The following ACAP1 variants were observed in gnomAD, a reference collection of about 807,000 sequenced individuals.
The protein encoded by ACAP1 is ArfGAP with coiled-coil, ankyrin repeat and PH domains 1.
A neutral mutation model predicts 98.8 loss-of-function variants in ACAP1; 45 were observed. The ratio of observed to expected loss-of-function variants is 0.46; its 90% CI spans 0.36 to 0.58. The LOEUF (loss-of-function observed/expected upper bound fraction) is 0.58. Ranked by LOEUF, ACAP1 falls within the 20% of genes least tolerant of loss-of-function variation. The probability of loss-of-function intolerance (pLI) is 0.00; values close to 1 mark genes in which losing one functional copy is unlikely to be tolerated. For synonymous variants in ACAP1, 362 were observed against 375.3 expected (o/e 0.96, Z 0.41); for missense variants, 735 against 971.4 (o/e 0.76, Z 3.24).
chr17:7,346,824 G>A lies in ACAP1; in HGVS notation c.1024G>A (p.Ala342Thr). 1.2e-6 allele frequency: 2 copies of A among 1,612,822 alleles called. No homozygotes were observed. Among genetic ancestry groups the A allele is most frequent in the Non-Finnish European group, 1.7e-6 (2 of 1,179,074 alleles). The change falls in exon 13 of 22, where the codon GCT becomes ACT. Residue 342 changes from alanine to threonine, a missense_variant. Ala to Thr is a moderately conservative substitution (Grantham distance 58, BLOSUM62 0). Around this residue, in one of 5 missense-constraint regions of ACAP1, gnomAD observed 430 missense variants for 531.8 expected, o/e 0.81. Transcript: ENST00000158762. ...VSTSKSCLLQ[A>T]DSERLLQLWV... Reference sequence around the variant, plus strand: ...CCTACCTAGGTCCTGCCTCCTCCAGGCTGACTCAGAGCGCCTCCTGCAGCT... The same window carrying A: ...CCTACCTAGGTCCTGCCTCCTCCAGACTGACTCAGAGCGCCTCCTGCAGCT...
intron 5 of ACAP1, 195 bp downstream of exon 5, chr17:7,342,669 G>A (rs867756814): frequency 1.7e-4 from 109 of 648,138 alleles, no homozygotes; most frequent in African/African-American, 1.2e-3. Flanking sequence ...GGAGGCCAAG[G>A]CGGGCGGATC....
chr17:7,343,289 A>G lies in ACAP1; in HGVS notation c.345-90A>G. The G allele has an allele frequency of 7.2e-7, 1 of 1,390,300 alleles. No individual in the cohort carries two copies. 86.1% of individuals were successfully genotyped at this position (1,390,300 alleles called of 1,614,324 possible). A position where few individuals can be genotyped will look rare whatever the true frequency, so the allele number is the denominator to read the frequency against. ...TGGGTTTCCCACGTTGCAGAGACTA[A>G]CTGAAAGGACATGAGGGCTTTACCC... is the stretch of plus-strand genomic sequence containing the variant. On this transcript the variant is annotated intron_variant, in intron 5 of 21. Transcript: ENST00000158762. The surrounding 1 kb of genome is among the most constrained non-coding windows in gnomAD (Gnocchi z 4.9).
chr17:7,347,635 C>A (rs2073359929), intron 14 of ACAP1: 7 of 560,332 alleles, frequency 1.2e-5, no homozygotes, highest in Middle Eastern at 4.8e-4. Flanking sequence ...GAGAGGTTGT[C>A]CAGGCCAAAG....
rs2073286925 is a variant in ACAP1 at position 7,342,040 on chromosome 17, C to T, written c.204C>T (p.Arg68=). ...AFVVGICDLA[R]LGPPEPMMAE... Reference sequence around the variant, plus strand: ...TTGTCGGCATTTGTGACCTGGCCCGCCTGGGTCCACCAGAGCCCATGATGG... The same window carrying T: ...TTGTCGGCATTTGTGACCTGGCCCGTCTGGGTCCACCAGAGCCCATGATGG... Residue 68 remains arginine, a synonymous_variant, in exon 3 of 22, where the codon CGC becomes CGT. Coordinates refer to ENST00000158762, the MANE Select transcript of ACAP1 (RefSeq NM_014716.4). 1.2e-6 allele frequency: 2 copies of T among 1,614,126 alleles called. No homozygotes were observed. Among genetic ancestry groups the T allele is most frequent in the South Asian group, 1.1e-5 (1 of 91,082 alleles).
At chr17:7,339,732 T>C (rs2073257541) in intron 2 of ACAP1, among the ~76,000 whole-genome samples, 1 of 152,226 alleles carries the variant, frequency 6.6e-6, no homozygotes, top group African/African-American at 2.4e-5. Flanking sequence ...TTTTTGTGTA[T>C]AATTCTATGG....
chr17:7,350,996 G>A lies in ACAP1; in HGVS notation c.2119G>A (p.Ala707Thr), dbSNP rs35985803. The A allele has an allele frequency of 0.075, 121,822 of 1,613,830 alleles. 4,998 individuals carry two copies. The highest frequency in any genetic ancestry group is 0.11 in the Middle Eastern group (674 of 6,062). The change falls in exon 21 of 22, where the codon GCA becomes ACA. Residue 707 changes from alanine to threonine, a missense_variant. Ala to Thr is a moderately conservative substitution (Grantham distance 58). Coordinates refer to ENST00000158762, the MANE Select transcript of ACAP1 (RefSeq NM_014716.4). This position sits in a 1 kb window ranked among gnomAD's most constrained non-coding sequence, Gnocchi z 4.6. Reference protein sequence around the residue: ...MREAEAAQGQAGDETYLDIFR... With the variant: ...MREAEAAQGQTGDETYLDIFR... ...GGAGGCTGAAGCGGCCCAGGGGCAG[G>A]CAGGTAAAGAATACACCCACCCCAC...
At chr17:7,347,488 T>G in intron 14 of ACAP1, 1 of 521,504 alleles carries the variant, frequency 1.9e-6, no homozygotes, top group Non-Finnish European at 3.4e-6. Flanking sequence ...GTTGGCTTGG[T>G]TGGAAGAAGT....
chr17:7,342,863 G>A (rs562995228), intron 5 of ACAP1: 12 of 245,926 alleles, frequency 4.9e-5, no homozygotes, highest in African/African-American at 2.3e-4. Context: ...AGCCAAGATC[G>A]CACTACTTCA....
chr17:7,342,147 G>T lies in ACAP1; in HGVS notation c.231+80G>T, dbSNP rs372365286. On this transcript the variant is annotated intron_variant, in intron 3 of 21. Coordinates refer to ENST00000158762, the MANE Select transcript of ACAP1 (RefSeq NM_014716.4). ...CTGTGGAAGAGGAGGGCTGGCCTGG[G>T]GTCTGCAGGTTCCAGGCCACAGCAG... The T allele has an allele frequency of 9.7e-5, 156 of 1,607,282 alleles. No individual in the cohort carries two copies. In the East Asian group the frequency reaches 3.0e-3, roughly 31 times the overall value.
In ACAP1 at chr17:7,344,527, T is replaced by C; in HGVS notation, c.745-12T>C. On this transcript the variant is annotated splice_polypyrimidine_tract_variant and intron_variant, in intron 9 of 21. Transcript: ENST00000158762. The surrounding 1 kb of genome is among the most constrained non-coding windows in gnomAD (Gnocchi z 4.9). ...CCATCTCAGTTGCCCTTTGATCCTC[T>C]TGTGCCTCCAGGAGCTGGGTGGGGA... 1 of 1,548,238 alleles carries C rather than the reference T, an allele frequency of 6.5e-7. No homozygotes were observed. The highest frequency in any genetic ancestry group is 8.7e-7 in the Non-Finnish European group (1 of 1,144,684).
At position 7,344,904 on chromosome 17, in the gene ACAP1, T is replaced by C. The variant is rs993301408; in HGVS notation, c.854+256T>C. 5.3e-5 allele frequency among the ~76,000 whole-genome samples: 8 copies of C among 152,068 alleles called. No individual in the cohort carries two copies. The highest frequency in any genetic ancestry group is 7.4e-5 in the Non-Finnish European group (5 of 67,996). On this transcript the variant is annotated intron_variant, in intron 10 of 21. Transcript: ENST00000158762. This position sits in a 1 kb window ranked among gnomAD's most constrained non-coding sequence, Gnocchi z 4.9. ...GGGTAGGGGTTACAGTTCTAAATAG[T>C]TGGGCAGTGTGGGCTTCATGAGAAG...
At chr17:7,342,198 G>A (rs745646201) in intron 3 of ACAP1, 77 bp from the exon 4 acceptor site, 62 of 1,606,244 alleles carry the variant, frequency 3.9e-5, no homozygotes, top group Non-Finnish European at 4.6e-5. Context: ...CATGACAGCC[G>A]TAGCAGGCTG....
At chr17:7,348,679 G>A in intron 17 of ACAP1, 1 of 630,800 alleles carries the variant, frequency 1.6e-6, no homozygotes, top group South Asian at 2.6e-5. Flanking sequence ...GGAGGGTAAG[G>A]GGTGCCAACA....
chr17:7,348,268 C>G lies in ACAP1; in HGVS notation c.1509-38C>G, dbSNP rs367860792. 3 of 1,609,544 alleles carry G rather than the reference C, an allele frequency of 1.9e-6. No individual in the cohort carries two copies. The South Asian group carries it at 3.3e-5, about 18-fold the overall frequency. On this transcript the variant is annotated intron_variant, in intron 16 of 21. Transcript: ENST00000158762. ...CCAGGGGAATGGGGGACCCCTGGAG[C>G]AGAAGAGGGAAGACTGCGTGCTTCT...
intron 17 of ACAP1, 182 bp downstream of exon 17, chr17:7,348,657 G>A: frequency 1.4e-6 from 1 of 718,678 alleles, no homozygotes; most frequent in Non-Finnish European, 2.1e-6. Context: ...ATGTGGGGCT[G>A]GGCGTGGGCA....
At position 7,340,085 on chromosome 17, in the gene ACAP1, A is replaced by G. The variant is rs148047623; in HGVS notation, c.112-1863A>G. Reference sequence around the variant, plus strand: ...AGACCAGCCTGGGCAACATAGCAAGACCCTTGTCTCTAAATAATGTTCTGT... The same window carrying G: ...AGACCAGCCTGGGCAACATAGCAAGGCCCTTGTCTCTAAATAATGTTCTGT... On this transcript the variant is annotated intron_variant, in intron 2 of 21. Coordinates refer to ENST00000158762, the MANE Select transcript of ACAP1 (RefSeq NM_014716.4). Among the ~76,000 whole-genome samples the G allele has an allele frequency of 7.0e-3, 1,070 of 151,926 alleles. 10 individuals carry two copies. Among genetic ancestry groups the G allele is most frequent in the African/African-American group, 0.024 (1,014 of 41,412 alleles).
At position 7,348,164 on chromosome 17, in the gene ACAP1, T is replaced by C; in HGVS notation, c.1451T>C (p.Ile484Thr). ...CTGGGAAATGTCATCATCAACCAGATCTATGAGGCCCGCGTGGAGGCCATG... is the reference window on the plus strand; with the variant it reads ...CTGGGAAATGTCATCATCAACCAGACCTATGAGGCCCGCGTGGAGGCCATG... ...CELGNVIINQ[I>T]YEARVEAMAV... The change falls in exon 16 of 22, where the codon ATC (isoleucine) becomes ACC (threonine). Residue 484 changes from isoleucine to threonine, a missense_variant. By Grantham distance (89) the Ile-to-Thr change is moderately conservative. This residue lies in a region of ACAP1 where 81 missense variants were observed against 132.0 expected (regional missense o/e 0.61). Transcript: ENST00000158762. 1.9e-6 allele frequency: 3 copies of C among 1,614,022 alleles called. No homozygotes were observed. The East Asian group carries it at 6.7e-5, about 36-fold the overall frequency.
intron 2 of ACAP1, among the ~76,000 whole-genome samples, chr17:7,337,699 C>CA (rs963413372): frequency 2.0e-5 from 3 of 151,912 alleles, no homozygotes; most frequent in Non-Finnish European, 2.9e-5. Context: ...ACTAAAAATG[C>CA]AAAAATCATC....
In ACAP1 at chr17:7,348,415, C is replaced by G. The variant is rs922219096; in HGVS notation, c.1618C>G (p.Pro540Ala). The change falls in exon 17 of 22, where the codon CCT becomes GCT. Residue 540 changes from proline (P) to alanine (A), a missense_variant. Physicochemically the swap from Pro to Ala is conservative, Grantham distance 27. Transcript: ENST00000158762. Reference protein sequence around the residue: ...RGGRGRPRGQPPVPPKPSIRP... With the variant: ...RGGRGRPRGQAPVPPKPSIRP... Reference sequence around the variant, plus strand: ...TGGCCGGGGGCGCCCAAGGGGGCAGCCTCCTGTGCCCCCAAAGCCTTCCAT... The same window carrying G: ...TGGCCGGGGGCGCCCAAGGGGGCAGGCTCCTGTGCCCCCAAAGCCTTCCAT... The G allele has an allele frequency of 1.9e-5, 29 of 1,527,604 alleles. No homozygotes were observed. In the East Asian group the frequency reaches 6.4e-4, roughly 34 times the overall value. The allele number at this position is 1,527,604 out of a possible 1,614,324, so 94.6% of individuals were successfully genotyped here.
Sources: allele counts gnomAD v4.1 joint callset (sites outside exome capture counted in the v4.1 genomes callset), GRCh38; gene constraint gnomAD v4.1.1; regional missense constraint gnomAD v4.1.1; non-coding constraint Gnocchi (gnomAD v3.1); transcripts MANE v1.5; gene names NCBI Gene and HGNC (gene_info 2026-07-23, HGNC 2026-07-21).